Variants in KSR1 observed in about 807,000 individuals in gnomAD.
KSR1 encodes kinase suppressor of ras.
Under a neutral mutation model 92.9 loss-of-function variants are expected in KSR1, and 35 were observed. The observed-to-expected ratio is 0.38, with a 90% CI of 0.29 to 0.50. The LOEUF is 0.50. Ranked by LOEUF, KSR1 falls within the 20% of genes least tolerant of loss-of-function variation. The pLI is 0.94. For synonymous variants in KSR1, 467 were observed against 472.6 expected (o/e 0.99, Z 0.15); for missense variants, 972 against 1,158.5 (o/e 0.84, Z 2.34).
chr17:27,597,819 AG>A (rs1241291827), intron 10 of KSR1, among the ~76,000 whole-genome samples: 2 of 152,188 alleles, frequency 1.3e-5, no homozygotes, highest in African/African-American at 4.8e-5. Context: ...CCAGCAACAC[AG>A]GGAGCTAGAA....
At chr17:27,618,737 T>C (rs1009508738) in intron 19 of KSR1, among the ~76,000 whole-genome samples, 13 of 152,198 alleles carry the variant, frequency 8.5e-5, no homozygotes, top group African/African-American at 2.4e-4. Flanking sequence ...CCCCCAACCA[T>C]GTAGAAAGTG....
intron 18 of KSR1, among the ~76,000 whole-genome samples, chr17:27,613,864 C>T (rs1020615164): frequency 6.6e-6 from 1 of 152,238 alleles, no homozygotes; most frequent in African/African-American, 2.4e-5. Context: ...AGTGCAGTGG[C>T]ACGATCTTGG....
rs138820266 is a variant in KSR1 at position 27,621,051 on chromosome 17, G to A, written c.2628-142G>A. ...CTTGTCACTTTTTTATTTTCGGGGG[G>A]TGGCGGATGTGCTGTTCTGTCATCT... is the stretch of plus-strand genomic sequence containing the variant. On this transcript the variant is annotated intron_variant, in intron 19 of 20. Transcript: ENST00000644974. 1.5e-5 allele frequency: 6 copies of A among 396,598 alleles called. No homozygotes were observed. In the Admixed American group the frequency reaches 2.2e-4, roughly 15 times the overall value. 24.6% of individuals were successfully genotyped at this position (396,598 alleles called of 1,614,324 possible). A position where few individuals can be genotyped will look rare whatever the true frequency, so the allele number is the denominator to read the frequency against.
chr17:27,535,005 G>A (rs1174347714), intron 1 of KSR1, among the ~76,000 whole-genome samples: 1 of 152,234 alleles, frequency 6.6e-6, no homozygotes, highest in East Asian at 1.9e-4. Context: ...GGAAAAGCGT[G>A]TGGATGTCCT....
intron 1 of KSR1, among the ~76,000 whole-genome samples, chr17:27,492,338 C>T (rs765126691): frequency 6.6e-6 from 1 of 152,196 alleles, no homozygotes; most frequent in Non-Finnish European, 1.5e-5. Flanking sequence ...GTCTCCTCAA[C>T]TCACCTTTGC....
intron 1 of KSR1, 40 bp from the exon 2 acceptor site, chr17:27,550,528 G>A (rs747941610): frequency 1.3e-6 from 1 of 760,092 alleles, no homozygotes; most frequent in Non-Finnish European, 2.4e-6. Context: ...TGGTTGGGCT[G>A]CAGATGAACA....
chr17:27,549,013 G>T (rs2071292123), intron 1 of KSR1, among the ~76,000 whole-genome samples: 1 of 152,192 alleles, frequency 6.6e-6, no homozygotes, highest in Non-Finnish European at 1.5e-5. Context: ...TTTCTTTGGA[G>T]CATCATGTCA....
At chr17:27,548,707 A>G (rs1192764984) in intron 1 of KSR1, among the ~76,000 whole-genome samples, 1 of 152,150 alleles carries the variant, frequency 6.6e-6, no homozygotes. Context: ...GCATGCGCCT[A>G]TACTTCCAAC....
rs756686164 is a variant in KSR1 at position 27,590,826 on chromosome 17, C to T, written c.1062C>T (p.Ser354=). 18 of 1,611,152 alleles carry T rather than the reference C, an allele frequency of 1.1e-5. No individual in the cohort carries two copies. Among genetic ancestry groups the T allele is most frequent in the Non-Finnish European group, 1.4e-5 (17 of 1,178,876 alleles). The change falls in exon 7 of 21, where the codon TCC becomes TCT. Residue 354 remains serine, a synonymous_variant. Transcript: ENST00000644974. ...CCCTCTGCAGGTTCTCCACCAAGTC[C>T]TGGCTGTCGCAGGTCTGCCACGTGT... The part of the protein sequence containing the change: ...LSVTHRFSTK[S]WLSQVCHVCQ...
chr17:27,521,092 A>C (rs1028810392), intron 1 of KSR1, among the ~76,000 whole-genome samples: 2 of 152,154 alleles, frequency 1.3e-5, no homozygotes, highest in Non-Finnish European at 2.9e-5. Flanking sequence ...TCATGTTTGA[A>C]TCATGGGTGC....
chr17:27,494,798 A>G (rs948841796), intron 1 of KSR1, among the ~76,000 whole-genome samples: 16 of 152,332 alleles, frequency 1.1e-4, no homozygotes, highest in African/African-American at 3.8e-4. Flanking sequence ...TGAGAGTGCC[A>G]TTGGGCGGTG....
chr17:27,506,307 T>C (rs1231244844), intron 1 of KSR1, among the ~76,000 whole-genome samples: 2 of 152,210 alleles, frequency 1.3e-5, no homozygotes, highest in African/African-American at 4.8e-5. Flanking sequence ...ACCCTCACTT[T>C]CTCTCGTAGC....
At chr17:27,546,284 G>A (rs1277710901) in intron 1 of KSR1, among the ~76,000 whole-genome samples, 1 of 152,174 alleles carries the variant, frequency 6.6e-6, no homozygotes, top group Admixed American at 6.5e-5. Flanking sequence ...TAATTATAGG[G>A]AGATCTAACC....
intron 1 of KSR1, among the ~76,000 whole-genome samples, chr17:27,474,266 T>C (rs2068273651): frequency 6.6e-6 from 1 of 152,266 alleles, no homozygotes. Flanking sequence ...GCCGTAGTGC[T>C]ACTTGTTATA....
chr17:27,621,812 A>T lies in KSR1; in HGVS notation c.2708+539A>T. 3 of 953,434 alleles carry T rather than the reference A, an allele frequency of 3.1e-6. No individual in the cohort carries two copies. In the South Asian group the frequency reaches 4.1e-5, roughly 13 times the overall value. 59.1% of individuals were successfully genotyped at this position (953,434 alleles called of 1,614,324 possible). ...GTCCAGGATGGCCCTTTCTCTCTGG[A>T]AGAGAAAGGGAGTCCCCTGCCCAGC... On this transcript the variant is annotated intron_variant, in intron 20 of 20. Coordinates refer to ENST00000644974, the MANE Select transcript of KSR1 (RefSeq NM_001394583.1).
chr17:27,526,292 A>G, intron 1 of KSR1: 1 of 832,518 alleles, frequency 1.2e-6, no homozygotes, highest in East Asian at 2.6e-5. Flanking sequence ...AAATTTTCCT[A>G]GTTGTCGCTC....
chr17:27,593,677 C>G (rs2073244748), intron 9 of KSR1, among the ~76,000 whole-genome samples: 1 of 152,240 alleles, frequency 6.6e-6, no homozygotes, highest in Non-Finnish European at 1.5e-5. Flanking sequence ...CTCTCGTTTC[C>G]CTCTGGTGGT....
intron 11 of KSR1, among the ~76,000 whole-genome samples, chr17:27,602,547 A>G (rs1447383429): frequency 1.3e-5 from 2 of 152,240 alleles, no homozygotes; most frequent in Non-Finnish European, 2.9e-5. Context: ...ATACACTCTT[A>G]ACTTTTAAGC....
At chr17:27,596,285 T>C (rs1459809638) in intron 9 of KSR1, among the ~76,000 whole-genome samples, 1 of 152,172 alleles carries the variant, frequency 6.6e-6, no homozygotes, top group Non-Finnish European at 1.5e-5. Flanking sequence ...ATTAAAGACA[T>C]AGCAGCTCAG....
Sources: gnomAD v4.1 joint callset for allele counts (sites outside exome capture counted in the v4.1 genomes callset) on GRCh38, gnomAD v4.1.1 for gene constraint, MANE v1.5 for transcripts, NCBI Gene and HGNC (gene_info 2026-07-23, HGNC 2026-07-21) for gene names.